DLGAP2: variants seen among roughly 807,000 people sequenced by gnomAD.
DLGAP2 encodes the protein disks large-associated protein 2.
In DLGAP2, 26 loss-of-function variants were observed where a neutral mutation model predicts 100.3. That is an observed-to-expected ratio of 0.26 (90% CI 0.19 to 0.36). DLGAP2 has a LOEUF of 0.36. DLGAP2 is among the 10% of genes least tolerant of loss of function. The pLI is 1.00. For synonymous variants in DLGAP2, 886 were observed against 630.1 expected (o/e 1.41, Z -6.08); for missense variants, 1,858 against 1,453.2 (o/e 1.28, Z -4.53).
chr8:1,584,175 C>T (rs1036128025), intron 6 of DLGAP2, among the ~76,000 whole-genome samples: 4 of 152,140 alleles, frequency 2.6e-5, no homozygotes, highest in African/African-American at 7.2e-5. Flanking sequence ...ATGGATAAAA[C>T]CATCGTCTTA....
chr8:1,101,971 T>C (rs1430748596), intron 2 of DLGAP2, among the ~76,000 whole-genome samples: 1 of 152,156 alleles, frequency 6.6e-6, no homozygotes, highest in African/African-American at 2.4e-5. Context: ...TTTTATATTA[T>C]GTTTATTTTA....
At chr8:1,686,173 G>C (rs1191385816) in intron 12 of DLGAP2, among the ~76,000 whole-genome samples, 1 of 152,134 alleles carries the variant, frequency 6.6e-6, no homozygotes, top group Admixed American at 6.5e-5. Flanking sequence ...AGAGACCTAG[G>C]TTCCCATCAG....
chr8:1,005,521 G>A (rs1233162282), intron 2 of DLGAP2, among the ~76,000 whole-genome samples: 1 of 147,482 alleles, frequency 6.8e-6, no homozygotes, highest in Non-Finnish European at 1.5e-5. Flanking sequence ...TGATTCTCTT[G>A]TCTTGGCCTC....
chr8:1,308,253 T>G (rs148540283), intron 3 of DLGAP2, among the ~76,000 whole-genome samples: 27 of 152,290 alleles, frequency 1.8e-4, no homozygotes, highest in African/African-American at 6.3e-4. Context: ...TTTAATGAGA[T>G]ATCTGTCAAC....
At chr8:1,200,480 T>G (rs1159635433) in intron 2 of DLGAP2, among the ~76,000 whole-genome samples, 1 of 152,178 alleles carries the variant, frequency 6.6e-6, no homozygotes, top group Non-Finnish European at 1.5e-5. Context: ...AAACCATCCA[T>G]CTGGCCTCGT....
intron 3 of DLGAP2, among the ~76,000 whole-genome samples, chr8:1,472,153 C>G (rs1215907058): frequency 3.9e-5 from 6 of 152,190 alleles, no homozygotes; most frequent in Non-Finnish European, 7.3e-5. Context: ...ACATGCAGAG[C>G]TCAGACGGGG....
At chr8:1,570,923 AG>A (rs1344360456) in intron 6 of DLGAP2, among the ~76,000 whole-genome samples, 10 of 77,006 alleles carry the variant, frequency 1.3e-4, no homozygotes, top group Admixed American at 2.8e-4. Flanking sequence ...GAGAGGAGAG[AG>A]GGTGAACTGT....
chr8:1,125,268 C>A (rs1426697676), intron 2 of DLGAP2, among the ~76,000 whole-genome samples: 1 of 152,196 alleles, frequency 6.6e-6, no homozygotes, highest in Admixed American at 6.5e-5. Context: ...TTGTCATTGT[C>A]CACCTGGTAC....
At chr8:855,669 T>A (rs893743789) in intron 1 of DLGAP2, among the ~76,000 whole-genome samples, 7 of 152,116 alleles carry the variant, frequency 4.6e-5, no homozygotes, top group Non-Finnish European at 8.8e-5. Flanking sequence ...GTGCAGGAAG[T>A]GGGATCATCG....
chr8:1,491,051 AAAAT>A (rs1286445986), intron 3 of DLGAP2, among the ~76,000 whole-genome samples: 2 of 32,672 alleles, frequency 6.1e-5, no homozygotes, highest in East Asian at 1.6e-3. Flanking sequence ...AAAATAAAAT[AAAAT>A]AAATAAAAAT....
chr8:778,603 C>T (rs1821595255), intron 1 of DLGAP2, among the ~76,000 whole-genome samples: 1 of 151,900 alleles, frequency 6.6e-6, no homozygotes, highest in East Asian at 1.9e-4. Context: ...GAGTACCCTG[C>T]CCTGTGTCAG....
chr8:1,699,589 A>G (rs1371967672), intron 14 of DLGAP2, among the ~76,000 whole-genome samples: 8 of 151,984 alleles, frequency 5.3e-5, no homozygotes, highest in African/African-American at 1.4e-4. Context: ...ACTGCAGCCT[A>G]GGCAACAGAG....
intron 6 of DLGAP2, among the ~76,000 whole-genome samples, chr8:1,568,518 T>C (rs1802512142): frequency 7.3e-6 from 1 of 137,820 alleles, no homozygotes; most frequent in South Asian, 2.5e-4. Flanking sequence ...CACTGTCCAC[T>C]CAGCAGACAC....
chr8:1,357,104 C>G (rs536785298), intron 3 of DLGAP2, among the ~76,000 whole-genome samples: 2 of 151,190 alleles, frequency 1.3e-5, no homozygotes, highest in South Asian at 2.1e-4. Context: ...GATGAGCCAC[C>G]CAAAACTAAT....
chr8:1,198,163 C>G (rs192136834), intron 2 of DLGAP2, among the ~76,000 whole-genome samples: 100 of 152,140 alleles, frequency 6.6e-4, no homozygotes, highest in Non-Finnish European at 8.8e-5. Context: ...CACAGGCCCT[C>G]CGGTGTGGTG....
At chr8:1,108,972 C>T (rs1253876793) in intron 2 of DLGAP2, among the ~76,000 whole-genome samples, 22 of 108,364 alleles carry the variant, frequency 2.0e-4, no homozygotes, top group Middle Eastern at 7.9e-3. Context: ...GAGGTGTGTA[C>T]GGGTCTGTGA....
chr8:1,195,812 C>G (rs922171173), intron 2 of DLGAP2, among the ~76,000 whole-genome samples: 3 of 152,200 alleles, frequency 2.0e-5, no homozygotes, highest in Non-Finnish European at 4.4e-5. Context: ...AGTGCGTGAC[C>G]TGCTCCGAGG....
At chr8:1,350,984 G>A (rs1257703919) in intron 3 of DLGAP2, among the ~76,000 whole-genome samples, 90 of 129,768 alleles carry the variant, frequency 6.9e-4, no homozygotes, top group African/African-American at 2.7e-3. Flanking sequence ...CTGAGTGTGC[G>A]TGGAAAGGCC....
At chr8:1,266,903 A>G (rs569072921) in intron 3 of DLGAP2, among the ~76,000 whole-genome samples, 22 of 152,168 alleles carry the variant, frequency 1.4e-4, no homozygotes, top group East Asian at 1.4e-3. Context: ...GAAGATGCAC[A>G]CTCAGTGGGG....
Sources: allele counts gnomAD v4.1 joint callset (sites outside exome capture counted in the v4.1 genomes callset), GRCh38; gene constraint gnomAD v4.1.1; transcripts MANE v1.5; gene names NCBI Gene and HGNC (gene_info 2026-07-23, HGNC 2026-07-21).